Variants in TTC38 observed in about 807,000 individuals in gnomAD.
The protein encoded by TTC38 is tetratricopeptide repeat protein 38.
Under a neutral mutation model 64.2 loss-of-function variants are expected in TTC38, and 64 were observed. The ratio of observed to expected loss-of-function variants is 1.00; its 90% CI spans 0.81 to 1.23. The LOEUF (loss-of-function observed/expected upper bound fraction) is 1.23, where lower values mean the gene tolerates loss of function less well. Ranked by LOEUF, TTC38 falls within the 50% of genes most tolerant of loss-of-function variation. The probability of loss-of-function intolerance (pLI) is 0.00; values close to 1 mark genes in which losing one functional copy is unlikely to be tolerated. For synonymous variants in TTC38, 254 were observed against 249.3 expected, an observed-to-expected ratio of 1.02 and a Z score of -0.18; for missense variants, 573 against 615.5, an observed-to-expected ratio of 0.93 and a Z score of 0.73.
intron 10 of TTC38, among the ~76,000 whole-genome samples, chr22:46,288,217 G>C (rs1319141237): frequency 6.6e-6 from 1 of 152,140 alleles, no homozygotes; most frequent in East Asian, 1.9e-4. Flanking sequence ...TCCTACTTAC[G>C]CGTCTATGGC....
Position 46,292,654 on chromosome 22 carries a change from C to A in TTC38, c.1317-137C>A. On this transcript the variant is annotated intron_variant, in intron 13 of 13. Transcript: ENST00000381031. The surrounding 1 kb of genome is among the most constrained non-coding windows in gnomAD (Gnocchi z 6.5). ...CCCAAACTGAGGCCAGGCCTCCTGC[C>A]CCTGGGCCTTGGCCCTTGCTGTTCC... 1 of 755,906 alleles carries A rather than the reference C, an allele frequency of 1.3e-6. No homozygotes were observed. Among genetic ancestry groups the A allele is most frequent in the Non-Finnish European group, 2.3e-6 (1 of 443,080 alleles). 46.8% of individuals were successfully genotyped at this position (755,906 alleles called of 1,614,324 possible).
rs776567796 is a variant in TTC38 at position 46,274,032 on chromosome 22, C to G, written c.328C>G (p.Gln110Glu). ...AACCCAGCCGCTGACAAGGCGGGAG[C>G]AGCTGCACGTGTCTGCAGTAGAGAC... ...SRTQPLTRRE[Q>E]LHVSAVETFA... is the part of the protein sequence containing the mutation. The change falls in exon 4 of 14, where the codon CAG (glutamine) becomes GAG (glutamate). Residue 110 changes from glutamine to glutamate, a missense_variant. By Grantham distance (29) the Gln-to-Glu change is conservative. Coordinates refer to ENST00000381031, the MANE Select transcript of TTC38 (RefSeq NM_017931.4). This position sits in a 1 kb window ranked among gnomAD's most constrained non-coding sequence, Gnocchi z 4.8. 6.2e-7 allele frequency: 1 copy of G among 1,614,146 alleles called. No individual in the cohort carries two copies. The highest frequency in any genetic ancestry group is 1.1e-5 in the South Asian group (1 of 91,084).
rs1344344122 is a variant in TTC38, at chr22:46,273,151, G to A, written c.193+735G>A. ...GGGGAGCCAAACCCAGTCATGGGGA[G>A]CCAGGAGCCAGGGGTGGGCTCGGAC... On this transcript the variant is annotated intron_variant, in intron 3 of 13. Coordinates refer to ENST00000381031, the MANE Select transcript of TTC38 (RefSeq NM_017931.4). The surrounding 1 kb of genome is among the most constrained non-coding windows in gnomAD (Gnocchi z 5.1). 6.6e-6 allele frequency among the ~76,000 whole-genome samples: 1 copy of A among 152,228 alleles called. No homozygotes were observed. The highest frequency in any genetic ancestry group is 1.5e-5 in the Non-Finnish European group (1 of 68,036).
chr22:46,274,134 C>A lies in TTC38; in HGVS notation c.365+65C>A. On this transcript the variant is annotated intron_variant, in intron 4 of 13. Coordinates refer to ENST00000381031, the MANE Select transcript of TTC38 (RefSeq NM_017931.4). This position sits in a 1 kb window ranked among gnomAD's most constrained non-coding sequence, Gnocchi z 4.8. Reference sequence around the variant, plus strand: ...CTGAGCTGGGGGAGTGGCAGGGTATCCCTTTCCTGATGCCCTTGGGACGGG... The same window carrying A: ...CTGAGCTGGGGGAGTGGCAGGGTATACCTTTCCTGATGCCCTTGGGACGGG... 1 of 1,414,314 alleles carries A rather than the reference C, an allele frequency of 7.1e-7. No individual in the cohort carries two copies. Among genetic ancestry groups the A allele is most frequent in the Non-Finnish European group, 9.9e-7 (1 of 1,014,620 alleles). The allele number at this position is 1,414,314 out of a possible 1,614,324, so 87.6% of individuals were successfully genotyped here.
rs1325682977 is a variant in TTC38 at position 46,288,535 on chromosome 22, A to G, written c.1029A>G (p.Ala343=). 1 of 1,613,904 alleles carries G rather than the reference A, an allele frequency of 6.2e-7. No individual in the cohort carries two copies. Among genetic ancestry groups the G allele is most frequent in the East Asian group, 2.2e-5 (1 of 44,860 alleles). The change falls in exon 11 of 14, where the codon GCA becomes GCG. Residue 343 remains alanine (A), a synonymous_variant. Transcript: ENST00000381031. ...ACTTCCTGATGGCATCCCTGGGTGC[A>G]CACGACCCCCAGACCACACAGGAGC... ...DAHFLMASLG[A]HDPQTTQELL...
Position 46,281,574 on chromosome 22 carries a change from A to T in TTC38, c.616-25A>T. The T allele has an allele frequency of 6.2e-7, 1 of 1,612,652 alleles. No individual in the cohort carries two copies. The highest frequency in any genetic ancestry group is 8.5e-7 in the Non-Finnish European group (1 of 1,179,084). ...GCCTGACTGATCTGCTTTATCTGGA[A>T]TCCTCTTCCCCGCACCCTGCGTAGG... On this transcript the variant is annotated intron_variant, in intron 6 of 13. Transcript: ENST00000381031. The surrounding 1 kb of genome is among the most constrained non-coding windows in gnomAD (Gnocchi z 5.2).
rs113316293 is a variant in TTC38 at position 46,281,586 on chromosome 22, G to A, written c.616-13G>A. On this transcript the variant is annotated splice_polypyrimidine_tract_variant and intron_variant, in intron 6 of 13. Transcript: ENST00000381031. The surrounding 1 kb of genome is among the most constrained non-coding windows in gnomAD (Gnocchi z 5.2). The stretch of plus-strand genomic sequence containing the variant: ...TGCTTTATCTGGAATCCTCTTCCCC[G>A]CACCCTGCGTAGGCTTTATCTATTA... 2.0e-3 allele frequency: 3,156 copies of A among 1,599,336 alleles called. 41 individuals are homozygous for A. The African/African-American group carries it at 0.034, about 17-fold the overall frequency.
In TTC38 at chr22:46,270,857, C is replaced by G; in HGVS notation, c.112-1478C>G. On this transcript the variant is annotated intron_variant, in intron 2 of 13. Coordinates refer to ENST00000381031, the MANE Select transcript of TTC38 (RefSeq NM_017931.4). The surrounding 1 kb of genome is among the most constrained non-coding windows in gnomAD (Gnocchi z 4.7). ...TCAAAAAAGAAAAAAAAAAAATTAG[C>G]CGGGCGCAGTGGTGCACACCTGTAA... is the stretch of plus-strand genomic sequence containing the variant. Among the ~76,000 whole-genome samples the G allele has an allele frequency of 6.7e-6, 1 of 149,684 alleles. No homozygotes were observed. The highest frequency in any genetic ancestry group is 1.5e-5 in the Non-Finnish European group (1 of 67,414).
chr22:46,287,566 A>G (rs1017171646), intron 10 of TTC38, among the ~76,000 whole-genome samples: 1 of 152,146 alleles, frequency 6.6e-6, no homozygotes, highest in Admixed American at 6.5e-5. Flanking sequence ...AGGTTTCTCA[A>G]CCTTGTCATG....
chr22:46,275,516 A>G lies in TTC38; in HGVS notation c.539+95A>G, dbSNP rs1936990227. On this transcript the variant is annotated intron_variant, in intron 5 of 13. Coordinates refer to ENST00000381031, the MANE Select transcript of TTC38 (RefSeq NM_017931.4). This position sits in a 1 kb window ranked among gnomAD's most constrained non-coding sequence, Gnocchi z 4.5. ...ACTCTCTTGGCCCTGTCCTAAAAAT[A>G]ATGGGACCACTGTTGCTATTCTCCT... 7 of 1,254,020 alleles carry G rather than the reference A, an allele frequency of 5.6e-6. No homozygotes were observed. Among genetic ancestry groups the G allele is most frequent in the Non-Finnish European group, 7.8e-6 (7 of 899,986 alleles). 77.7% of individuals were successfully genotyped at this position (1,254,020 alleles called of 1,614,324 possible).
chr22:46,287,704 GC>G lies in TTC38; in HGVS notation c.916+552del, dbSNP rs565270489. 5.1e-3 allele frequency among the ~76,000 whole-genome samples: 780 copies of G among 152,348 alleles called. 4 individuals are homozygous for G. Among genetic ancestry groups the G allele is most frequent in the Non-Finnish European group, 9.1e-3 (622 of 68,040 alleles). The stretch of plus-strand genomic sequence containing the variant: ...GCAGAGTCACCCTGGAACCACAGAG[GC>G]CTGGGCTAGGCCCTGGGTCAGCAGT... On this transcript the variant is annotated intron_variant, in intron 10 of 13. Coordinates refer to ENST00000381031, the MANE Select transcript of TTC38 (RefSeq NM_017931.4).
rs1482914050 is a variant in TTC38, at chr22:46,270,708, G to A, written c.112-1627G>A. Among the ~76,000 whole-genome samples the A allele has an allele frequency of 2.0e-5, 3 of 152,140 alleles. No individual in the cohort carries two copies. The highest frequency in any genetic ancestry group is 4.4e-5 in the Non-Finnish European group (3 of 68,024). On this transcript the variant is annotated intron_variant, in intron 2 of 13. Coordinates refer to ENST00000381031, the MANE Select transcript of TTC38 (RefSeq NM_017931.4). The surrounding 1 kb of genome is among the most constrained non-coding windows in gnomAD (Gnocchi z 4.7). ...AAATTAGCCGGGCATGGTGGCATGG[G>A]CCTGTAATCCCAGCTACTCGGGAGG...
chr22:46,268,762 G>A (rs2147781713), intron 2 of TTC38, 171 bp downstream of exon 2: 1 of 613,964 alleles, frequency 1.6e-6, no homozygotes, highest in South Asian at 1.9e-5. Context: ...TCGGCTCACT[G>A]CAAGCTTTGC....
At chr22:46,279,418 G>T (rs2077517169) in intron 6 of TTC38, among the ~76,000 whole-genome samples, 1 of 152,238 alleles carries the variant, frequency 6.6e-6, no homozygotes, top group African/African-American at 2.4e-5. Context: ...TTGTTGCCCA[G>T]ATGAGGGGCC....
At position 46,289,387 on chromosome 22, in the gene TTC38, G is replaced by A. The variant is rs200499776; in HGVS notation, c.1083-15G>A. The A allele has an allele frequency of 7.6e-5, 122 of 1,605,504 alleles. No homozygotes were observed. The highest frequency in any genetic ancestry group is 5.0e-4 in the Middle Eastern group (3 of 6,042). On this transcript the variant is annotated splice_polypyrimidine_tract_variant and intron_variant, in intron 11 of 13. Coordinates refer to ENST00000381031, the MANE Select transcript of TTC38 (RefSeq NM_017931.4). ...TGATGGGCAGGCAGCTGAGGGCACC[G>A]TCTTGGGTTCGCAGATCCCCAGGGG...
chr22:46,268,277 C>T (rs1342964649), intron 1 of TTC38, among the ~76,000 whole-genome samples: 2 of 152,234 alleles, frequency 1.3e-5, no homozygotes, highest in African/African-American at 4.8e-5. Context: ...GGACGCCTGT[C>T]AGGGTACTCG....
rs1937002465 is a variant in TTC38 at position 46,276,121 on chromosome 22, G to T, written c.539+700G>T. ...TATTTAGTCAGCACTCTCCAGAGAA[G>T]CCCAGAGAGCTCTGAGACAGAGAGA... On this transcript the variant is annotated intron_variant, in intron 5 of 13. Coordinates refer to ENST00000381031, the MANE Select transcript of TTC38 (RefSeq NM_017931.4). This position sits in a 1 kb window ranked among gnomAD's most constrained non-coding sequence, Gnocchi z 4.7. Among the ~76,000 whole-genome samples, 1 of 152,210 alleles carries T rather than the reference G, an allele frequency of 6.6e-6. No individual in the cohort carries two copies. Among genetic ancestry groups the T allele is most frequent in the Admixed American group, 6.5e-5 (1 of 15,280 alleles).
At chr22:46,286,972 A>G (rs927207065) in intron 9 of TTC38, 101 bp from the exon 10 acceptor site, 2 of 868,338 alleles carry the variant, frequency 2.3e-6, no homozygotes, top group East Asian at 5.4e-5. Flanking sequence ...GGCTTGCTCT[A>G]TGCAGGCCCC....
chr22:46,285,229 T>C lies in TTC38; in HGVS notation c.796-12T>C, dbSNP rs1391564730. ...TCTCCAGGGTTTAATAAGGAGAACT[T>C]TATTCTTCCAGGGCGAATATGAGGC... On this transcript the variant is annotated splice_polypyrimidine_tract_variant and intron_variant, in intron 8 of 13. Coordinates refer to ENST00000381031, the MANE Select transcript of TTC38 (RefSeq NM_017931.4). 1 of 1,614,042 alleles carries C rather than the reference T, an allele frequency of 6.2e-7. No individual in the cohort carries two copies. Among genetic ancestry groups the C allele is most frequent in the Non-Finnish European group, 8.5e-7 (1 of 1,179,890 alleles).
Sources: allele counts gnomAD v4.1 joint callset (sites outside exome capture counted in the v4.1 genomes callset), GRCh38; gene constraint gnomAD v4.1.1; non-coding constraint Gnocchi (gnomAD v3.1); transcripts MANE v1.5; gene names NCBI Gene and HGNC (gene_info 2026-07-23, HGNC 2026-07-21).